Variants in BMPR2 observed in about 807,000 individuals in gnomAD.
BMPR2 encodes the protein bone morphogenetic protein receptor type 2.
A neutral mutation model predicts 100.8 loss-of-function variants in BMPR2; 29 were observed. That is an observed-to-expected ratio of 0.29 (90% CI 0.21 to 0.39). The LOEUF (loss-of-function observed/expected upper bound fraction) is 0.39, where lower values mean the gene tolerates loss of function less well. Among genes scored for constraint, BMPR2 ranks in the 10% least tolerant of loss-of-function variants. BMPR2 has a pLI of 1.00. For synonymous variants in BMPR2, 382 were observed against 442.3 expected (o/e 0.86, Z 1.71); for missense variants, 1,011 against 1,274.5 (o/e 0.79, Z 3.15).
chr2:202,449,308 CAAATAAATAAATAAAT>C (rs200671172), intron 1 of BMPR2, among the ~76,000 whole-genome samples: 45 of 143,072 alleles, frequency 3.1e-4, no homozygotes, highest in South Asian at 9.3e-4. Flanking sequence ...AACTCCATCT[CAAATAAATAAATAAAT>C]AAATAAATAA....
chr2:202,554,973 A>AT (rs1332000776), intron 11 of BMPR2, among the ~76,000 whole-genome samples: 1 of 152,158 alleles, frequency 6.6e-6, no homozygotes, highest in African/African-American at 2.4e-5. Flanking sequence ...TATAGGGGAG[A>AT]TTTTTTAATT....
chr2:202,466,646 C>T lies in BMPR2; in HGVS notation c.248-873C>T, dbSNP rs541826907. Among the ~76,000 whole-genome samples the T allele has an allele frequency of 2.0e-5, 3 of 149,626 alleles. No homozygotes were observed. In the South Asian group the frequency reaches 6.4e-4, roughly 32 times the overall value. On this transcript the variant is annotated intron_variant, in intron 2 of 12. Coordinates refer to ENST00000374580, the MANE Select transcript of BMPR2 (RefSeq NM_001204.7). ...TGTATTTTTGAGACAGAATGTCACT[C>T]TGTCGCTCAGGATAGAGTGCAGTGG...
At chr2:202,421,467 T>C (rs2105924237) in intron 1 of BMPR2, among the ~76,000 whole-genome samples, 1 of 151,458 alleles carries the variant, frequency 6.6e-6, no homozygotes, top group South Asian at 2.1e-4. Flanking sequence ...CCCACCTTTT[T>C]TTTTTTTTTT....
chr2:202,380,117 C>T (rs1266741277), intron 1 of BMPR2, among the ~76,000 whole-genome samples: 11 of 151,840 alleles, frequency 7.2e-5, no homozygotes, highest in Admixed American at 3.9e-4. Flanking sequence ...CCACCTGCCT[C>T]GGCCTCCCAA....
chr2:202,517,613 G>C (rs921740780), intron 5 of BMPR2, among the ~76,000 whole-genome samples: 17 of 151,804 alleles, frequency 1.1e-4, no homozygotes, highest in African/African-American at 3.9e-4. Flanking sequence ...GCCTCCCAAA[G>C]TGCTGGGATT....
At chr2:202,391,982 G>A (rs1690559763) in intron 1 of BMPR2, among the ~76,000 whole-genome samples, 1 of 151,556 alleles carries the variant, frequency 6.6e-6, no homozygotes, top group Non-Finnish European at 1.5e-5. Flanking sequence ...GGATGGTCTC[G>A]TTCTCTTGAC....
intron 1 of BMPR2, among the ~76,000 whole-genome samples, chr2:202,448,784 C>T (rs1003781518): frequency 1.3e-5 from 2 of 151,636 alleles, no homozygotes; most frequent in African/African-American, 4.8e-5. Flanking sequence ...TGTGTAGACT[C>T]CAGGATATAT....
At chr2:202,505,621 CCTTA>C (rs1687505814) in intron 3 of BMPR2, among the ~76,000 whole-genome samples, 1 of 152,084 alleles carries the variant, frequency 6.6e-6, no homozygotes. Context: ...ATAGAGACCT[CCTTA>C]CTTACTCTCC....
intron 1 of BMPR2, among the ~76,000 whole-genome samples, chr2:202,441,721 A>AC (rs1224659002): frequency 1.5e-5 from 2 of 137,546 alleles, no homozygotes; most frequent in Non-Finnish European, 3.1e-5. Context: ...CCGTCTCAAA[A>AC]AAAAAAAAAA....
intron 3 of BMPR2, among the ~76,000 whole-genome samples, chr2:202,501,913 C>T (rs1287791089): frequency 1.3e-5 from 2 of 152,202 alleles, no homozygotes; most frequent in South Asian, 2.1e-4. Context: ...TCTTAGAAGT[C>T]CCCTTAACTA....
At position 202,435,396 on chromosome 2, in the gene BMPR2, T is replaced by C. The variant is rs1044745991; in HGVS notation, c.77-29413T>C. On this transcript the variant is annotated intron_variant, in intron 1 of 12. Coordinates refer to ENST00000374580, the MANE Select transcript of BMPR2 (RefSeq NM_001204.7). ...AAATACATATATATATATATATATA[T>C]ATATATATATATGTTTTTGTACAGT... 5.7e-5 allele frequency among the ~76,000 whole-genome samples: 8 copies of C among 140,900 alleles called. 1 individual carries two copies. The highest frequency in any genetic ancestry group is 1.1e-4 in the African/African-American group (4 of 36,132). The allele number at this position is 140,900 out of a possible 152,430, so 92.4% of individuals were successfully genotyped here.
At chr2:202,488,286 C>T (rs1692822614) in intron 3 of BMPR2, among the ~76,000 whole-genome samples, 1 of 151,912 alleles carries the variant, frequency 6.6e-6, no homozygotes, top group Non-Finnish European at 1.5e-5. Context: ...AATATTATGA[C>T]ATAAGTGCTG....
In BMPR2 at chr2:202,530,933, A is replaced by G; in HGVS notation, c.1107A>G (p.Glu369=). The change falls in exon 8 of 13, where the codon GAA becomes GAG. Residue 369 remains glutamate (E), a synonymous_variant. Transcript: ENST00000374580. ...TGNRLVRPGE[E]DNAAISEVGT... is the part of the protein sequence containing the mutation. ...ATAGACTGGTGCGCCCAGGGGAGGA[A>G]GATAATGCAGCCATAAGCGAGGTGA... 6.2e-7 allele frequency: 1 copy of G among 1,614,098 alleles called. No homozygotes were observed. Among genetic ancestry groups the G allele is most frequent in the South Asian group, 1.1e-5 (1 of 91,082 alleles).
intron 3 of BMPR2, among the ~76,000 whole-genome samples, chr2:202,492,481 C>G (rs568593706): frequency 6.6e-6 from 1 of 152,120 alleles, no homozygotes; most frequent in East Asian, 1.9e-4. Flanking sequence ...AGGCAGATCA[C>G]TTGAGACCAG....
chr2:202,530,905 G>C lies in BMPR2; in HGVS notation c.1079G>C (p.Gly360Ala). Reference sequence around the variant, plus strand: ...TTTGGACTGTCCATGAGGCTGACTGGAAATAGACTGGTGCGCCCAGGGGAG... The same window carrying C: ...TTTGGACTGTCCATGAGGCTGACTGCAAATAGACTGGTGCGCCCAGGGGAG... Reference protein sequence around the residue: ...SDFGLSMRLTGNRLVRPGEED... With the variant: ...SDFGLSMRLTANRLVRPGEED... Residue 360 changes from glycine to alanine, a missense_variant, in exon 8 of 13, where the codon GGA becomes GCA. By Grantham distance (60) the Gly-to-Ala change is moderately conservative. Around this residue, in one of 6 missense-constraint regions of BMPR2, gnomAD observed 355 missense variants for 455.3 expected, o/e 0.78. Transcript: ENST00000374580. The C allele has an allele frequency of 6.2e-7, 1 of 1,614,154 alleles. No individual in the cohort carries two copies. The highest frequency in any genetic ancestry group is 8.5e-7 in the Non-Finnish European group (1 of 1,180,032).
Position 202,555,335 on chromosome 2 carries a change from A to T in BMPR2, c.1670A>T (p.His557Leu). Residue 557 changes from histidine (H) to leucine (L), a missense_variant, in exon 12 of 13, where the codon CAT (histidine) becomes CTT (leucine). Physicochemically the swap from His to Leu is moderately conservative, Grantham distance 99. Transcript: ENST00000374580. ...TCCTCATACATTGAAGACTCTATCC[A>T]TCATACTGACAGCATCGTGAAGAAT... ...SSSSYIEDSI[H>L]HTDSIVKNIS... is the part of the protein sequence containing the mutation. 1 of 1,614,186 alleles carries T rather than the reference A, an allele frequency of 6.2e-7. No homozygotes were observed. Among genetic ancestry groups the T allele is most frequent in the Non-Finnish European group, 8.5e-7 (1 of 1,179,980 alleles).
intron 5 of BMPR2, 30 bp downstream of exon 5, chr2:202,515,009 G>A: frequency 6.4e-7 from 1 of 1,567,538 alleles, no homozygotes; most frequent in Non-Finnish European, 8.8e-7. Context: ...ATGGACTGTT[G>A]TTTCTACTGT....
intron 3 of BMPR2, among the ~76,000 whole-genome samples, chr2:202,480,576 CT>C (rs1047637427): frequency 5.3e-5 from 8 of 152,236 alleles, no homozygotes; most frequent in African/African-American, 1.2e-4. Flanking sequence ...CAACTTCATT[CT>C]TTTGTTTGAT....
chr2:202,518,809 A>G lies in BMPR2; in HGVS notation c.622-13A>G. The G allele has an allele frequency of 1.2e-6, 2 of 1,609,490 alleles. No homozygotes were observed. The highest frequency in any genetic ancestry group is 1.7e-4 in the Middle Eastern group (1 of 6,058). On this transcript the variant is annotated splice_polypyrimidine_tract_variant and intron_variant, in intron 5 of 12. Coordinates refer to ENST00000374580, the MANE Select transcript of BMPR2 (RefSeq NM_001204.7). The stretch of plus-strand genomic sequence containing the variant: ...GTGATATTAATACCTTGCTTTCTTT[A>G]AAACACTTGCAGCTGATTGGCCGAG...
Sources: gnomAD v4.1 joint callset for allele counts (sites outside exome capture counted in the v4.1 genomes callset) on GRCh38, gnomAD v4.1.1 for gene constraint, gnomAD v4.1.1 regional missense constraint, MANE v1.5 for transcripts, NCBI Gene and HGNC (gene_info 2026-07-23, HGNC 2026-07-21) for gene names.